The following ARHGAP8 variants were observed in gnomAD, a reference collection of about 807,000 sequenced individuals.
ARHGAP8 encodes the protein Rho GTPase activating protein 8, also known as rho GTPase-activating protein 8.
ARHGAP8 carries 62 observed loss-of-function variants against 46.1 expected under a neutral mutation model. The observed-to-expected ratio is 1.34, with a 90% CI of 1.10 to 1.66. The LOEUF (loss-of-function observed/expected upper bound fraction) is 1.66. Ranked by LOEUF, ARHGAP8 falls within the 40% of genes most tolerant of loss-of-function variation. ARHGAP8 has a pLI of 0.00. For missense variants in ARHGAP8, 923 were observed against 568.4 expected (o/e 1.62, Z -6.34); for synonymous variants, 375 against 243.1 (o/e 1.54, Z -5.05).
chr22:44,853,140 G>C (rs1678043123), intron 10 of ARHGAP8, among the ~76,000 whole-genome samples: 1 of 152,166 alleles, frequency 6.6e-6, no homozygotes, highest in Admixed American at 6.5e-5. Flanking sequence ...ATTTAGTTGA[G>C]AAGATTCCTA....
intron 2 of ARHGAP8, among the ~76,000 whole-genome samples, chr22:44,794,504 T>C (rs1415298275): frequency 6.6e-6 from 1 of 151,692 alleles, no homozygotes; most frequent in Admixed American, 6.6e-5. Context: ...AAGTCAGGAG[T>C]TCGAGACCAG....
At chr22:44,754,338 T>TTGTGTGTGTGTGTGTGTGTG (rs35257490) in intron 1 of ARHGAP8, among the ~76,000 whole-genome samples, 35 of 146,624 alleles carry the variant, frequency 2.4e-4, no homozygotes, top group South Asian at 9.0e-4. Context: ...CATTGAAACT[T>TTGTGTGTGTGTGTGTGTGTG]TGTGTGTGTG....
At chr22:44,754,699 G>A (rs1924530292) in intron 1 of ARHGAP8, among the ~76,000 whole-genome samples, 1 of 152,076 alleles carries the variant, frequency 6.6e-6, no homozygotes, top group South Asian at 2.1e-4. Flanking sequence ...AAACATGCCT[G>A]GGACATCATG....
chr22:44,776,082 T>C (rs906106266), intron 1 of ARHGAP8, among the ~76,000 whole-genome samples: 3 of 152,192 alleles, frequency 2.0e-5, no homozygotes, highest in African/African-American at 7.2e-5. Flanking sequence ...AGTCTAAAAC[T>C]TCACGGCACT....
At chr22:44,759,712 A>G (rs1259956057) in intron 1 of ARHGAP8, among the ~76,000 whole-genome samples, 1 of 152,078 alleles carries the variant, frequency 6.6e-6, no homozygotes, top group Non-Finnish European at 1.5e-5. Context: ...GCCTGAAGGG[A>G]GATGGTCAGG....
chr22:44,850,274 G>A (rs910295801), intron 10 of ARHGAP8: 1 of 152,272 alleles, frequency 6.6e-6, no homozygotes, highest in African/African-American at 2.4e-5. Context: ...AAGATGTTGA[G>A]GGCTGACTGA....
intron 1 of ARHGAP8, among the ~76,000 whole-genome samples, chr22:44,776,316 G>A (rs1437431397): frequency 6.6e-6 from 1 of 152,142 alleles, no homozygotes; most frequent in African/African-American, 2.4e-5. Context: ...GCCGAGCATG[G>A]TGGCGGGTAC....
intron 7 of ARHGAP8, among the ~76,000 whole-genome samples, chr22:44,839,893 T>C (rs951081992): frequency 1.3e-5 from 2 of 152,200 alleles, no homozygotes; most frequent in African/African-American, 4.8e-5. Flanking sequence ...AGTTTGCCCA[T>C]GGGGCGTTGG....
At position 44,817,086 on chromosome 22, in the gene ARHGAP8, A is replaced by G. The variant is rs113693076; in HGVS notation, c.386+2328A>G. ...TTTTTAGTAGAGACGGGGTTTCACC[A>G]TGTTGGCCAGGCTGGTCTCAAGCTC... On this transcript the variant is annotated intron_variant, in intron 5 of 11. Coordinates refer to ENST00000356099, the MANE Select transcript of ARHGAP8 (RefSeq NM_181335.3). Among the ~76,000 whole-genome samples, 1,123 of 152,142 alleles carry G rather than the reference A, an allele frequency of 7.4e-3. 17 individuals are homozygous for G. The highest frequency in any genetic ancestry group is 0.025 in the African/African-American group (1,054 of 41,510).
At chr22:44,862,240 T>C in intron 11 of ARHGAP8, 35 bp from the exon 12 acceptor site, 1 of 1,555,258 alleles carries the variant, frequency 6.4e-7, no homozygotes, top group South Asian at 1.2e-5. Flanking sequence ...CCCCTTGGTG[T>C]TCACTCCCCT....
chr22:44,761,198 CG>C (rs56954654), intron 1 of ARHGAP8, among the ~76,000 whole-genome samples: 5,868 of 152,244 alleles, frequency 0.039, 393 homozygotes, highest in African/African-American at 0.13. Context: ...AAAAGGATCA[CG>C]GAAATAAGTG....
chr22:44,859,634 A>G (rs1405757090), intron 10 of ARHGAP8, 97 bp from the exon 11 acceptor site: 55 of 1,328,132 alleles, frequency 4.1e-5, no homozygotes, highest in Non-Finnish European at 5.8e-5. Flanking sequence ...CCATCCTCAG[A>G]GCTGTCCTTC....
At chr22:44,862,050 C>T (rs1041000033) in intron 11 of ARHGAP8, among the ~76,000 whole-genome samples, 3 of 152,178 alleles carry the variant, frequency 2.0e-5, no homozygotes, top group East Asian at 1.9e-4. Context: ...AGGTCAGAGC[C>T]AGAGGGTCCT....
chr22:44,781,197 G>A (rs1054586100), intron 1 of ARHGAP8, among the ~76,000 whole-genome samples: 5 of 152,152 alleles, frequency 3.3e-5, no homozygotes, highest in Admixed American at 3.3e-4. Context: ...TCTAGCATCA[G>A]CATTTCACAT....
At chr22:44,829,470 T>C (rs73176152) in intron 7 of ARHGAP8, among the ~76,000 whole-genome samples, 143 of 152,314 alleles carry the variant, frequency 9.4e-4, no homozygotes, top group Middle Eastern at 3.4e-3. Context: ...CAGAACGTAC[T>C]GATGCAGGGC....
chr22:44,825,894 C>T (rs1424907541), intron 7 of ARHGAP8, among the ~76,000 whole-genome samples: 1 of 115,874 alleles, frequency 8.6e-6, no homozygotes, highest in Non-Finnish European at 1.7e-5. Context: ...GCTTGCTGCT[C>T]CGTGCCTCGT....
At chr22:44,768,969 G>T (rs1330411594) in intron 1 of ARHGAP8, among the ~76,000 whole-genome samples, 4 of 151,972 alleles carry the variant, frequency 2.6e-5, no homozygotes, top group Non-Finnish European at 5.9e-5. Context: ...CAAGTAGCTG[G>T]GATTACACGT....
At chr22:44,752,878 C>T (rs894091580) in intron 1 of ARHGAP8, 7 of 152,328 alleles carry the variant, frequency 4.6e-5, no homozygotes, top group African/African-American at 1.7e-4. Context: ...CCCACACTCC[C>T]CTCCTCTGCT....
At chr22:44,804,160 G>A (rs549261111) in intron 3 of ARHGAP8, among the ~76,000 whole-genome samples, 7 of 152,228 alleles carry the variant, frequency 4.6e-5, no homozygotes, top group African/African-American at 1.7e-4. Context: ...CCATTGCTCA[G>A]AAGGAACCAC....
Sources: gnomAD v4.1 joint callset for allele counts (sites outside exome capture counted in the v4.1 genomes callset) on GRCh38, gnomAD v4.1.1 for gene constraint, MANE v1.5 for transcripts, NCBI Gene and HGNC (gene_info 2026-07-23, HGNC 2026-07-21) for gene names.